Variants in CNOT6L observed in about 807,000 individuals in gnomAD.
CNOT6L encodes CCR4-NOT transcription complex subunit 6-like.
Under a neutral mutation model 64.0 loss-of-function variants are expected in CNOT6L, and 7 were observed. The ratio of observed to expected loss-of-function variants is 0.11; its 90% CI spans 0.06 to 0.21. The LOEUF (loss-of-function observed/expected upper bound fraction) is 0.21. Among genes scored for constraint, CNOT6L ranks in the 10% least tolerant of loss-of-function variants. The pLI is 1.00. For synonymous variants in CNOT6L, 193 were observed against 243.4 expected (o/e 0.79, Z 1.93); for missense variants, 245 against 669.0 (o/e 0.37, Z 6.99).
intron 6 of CNOT6L, among the ~76,000 whole-genome samples, chr4:77,745,541 C>T (rs1443011636): frequency 1.3e-5 from 2 of 152,080 alleles, no homozygotes; most frequent in East Asian, 1.9e-4. Flanking sequence ...AATCTGTGGC[C>T]CCATAAACAC....
At chr4:77,757,381 G>A (rs1725690270) in intron 4 of CNOT6L, among the ~76,000 whole-genome samples, 1 of 152,096 alleles carries the variant, frequency 6.6e-6, no homozygotes, top group South Asian at 2.1e-4. Flanking sequence ...TACATATAGG[G>A]AAAACAAACG....
At chr4:77,819,384 C>T, upstream of CNOT6L, 1 of 1,609,600 alleles carries the variant, frequency 6.2e-7, no homozygotes. Context: ...CACGCGCGCG[C>T]GCGCGCACCA....
chr4:77,731,471 C>T lies in CNOT6L; in HGVS notation c.940G>A (p.Glu314Lys). The T allele has an allele frequency of 6.2e-7, 1 of 1,610,518 alleles. No homozygotes were observed. Among genetic ancestry groups the T allele is most frequent in the Non-Finnish European group, 8.5e-7 (1 of 1,178,394 alleles). Residue 314 changes from glutamate to lysine, a missense_variant, in exon 9 of 12, where the codon GAA (glutamate) becomes AAA (lysine). Physicochemically the swap from Glu to Lys is moderately conservative, Grantham distance 56. This residue lies in a region of CNOT6L where 94 missense variants were observed against 290.9 expected (regional missense o/e 0.32). Transcript: ENST00000504123. Reference sequence around the variant, plus strand: ...GTCATCACTCTGTTCAGCATAGCTTCGGATCCATCTGAATTAGCCATCGCC... The same window carrying T: ...GTCATCACTCTGTTCAGCATAGCTTTGGATCCATCTGAATTAGCCATCGCC... Reference protein sequence around the residue: ...QVAMANSDGSEAMLNRVMTKD... With the variant: ...QVAMANSDGSKAMLNRVMTKD...
chr4:77,722,313 C>CACTTT (rs1336883584), intron 11 of CNOT6L, among the ~76,000 whole-genome samples: 3 of 152,120 alleles, frequency 2.0e-5, no homozygotes, highest in African/African-American at 7.2e-5. Context: ...GTAATCCCAG[C>CACTTT]ACTTTCAGAG....
intron 1 of CNOT6L, among the ~76,000 whole-genome samples, chr4:77,813,297 A>ATAGT (rs1253341318): frequency 1.4e-5 from 2 of 146,796 alleles, no homozygotes; most frequent in African/African-American, 5.0e-5. Flanking sequence ...TATTAGATAG[A>ATAGT]TTAGAAATAG....
intron 4 of CNOT6L, among the ~76,000 whole-genome samples, chr4:77,768,466 AATAAATAAATATATATATATATAT>A (rs1383994748): frequency 6.0e-4 from 8 of 13,316 alleles, no homozygotes; most frequent in Non-Finnish European, 7.1e-4. Context: ...CTCTGTCTAA[AATAAATAAATATATATATATATAT>A]ATATATATAT....
chr4:77,772,413 A>G (rs1727659779), intron 4 of CNOT6L, among the ~76,000 whole-genome samples: 1 of 151,932 alleles, frequency 6.6e-6, no homozygotes, highest in Admixed American at 6.6e-5. Context: ...TTTAGTAGAG[A>G]CAGGGTTTCT....
chr4:77,724,750 C>T (rs549055101), intron 11 of CNOT6L, among the ~76,000 whole-genome samples: 57 of 151,816 alleles, frequency 3.8e-4, no homozygotes, highest in African/African-American at 1.3e-3. Flanking sequence ...CACTTATTTT[C>T]GGGAACTTTA....
At chr4:77,771,021 T>C (rs1727480614) in intron 4 of CNOT6L, among the ~76,000 whole-genome samples, 1 of 152,160 alleles carries the variant, frequency 6.6e-6, no homozygotes. Context: ...GTCCACTGGA[T>C]TCAACAGTAA....
chr4:77,724,678 A>G (rs1352600345), intron 11 of CNOT6L, among the ~76,000 whole-genome samples: 1 of 151,980 alleles, frequency 6.6e-6, no homozygotes, highest in Non-Finnish European at 1.5e-5. Context: ...AAATAGAATA[A>G]AATTTTTTCT....
rs1453387799 is a variant in CNOT6L at position 77,720,076 on chromosome 4, T to C, written c.*355A>G. On this transcript the variant is annotated 3_prime_UTR_variant, in exon 12 of 12. Transcript: ENST00000504123. ...AATTGCCTTTTATAAAATGGTTGGCTCACTGAAACCATTCAAAAGAAAGTA... is the reference window on the plus strand; with the variant it reads ...AATTGCCTTTTATAAAATGGTTGGCCCACTGAAACCATTCAAAAGAAAGTA... The C allele has an allele frequency of 5.8e-6, 1 of 171,804 alleles. No individual in the cohort carries two copies. Among genetic ancestry groups the C allele is most frequent in the African/African-American group, 2.4e-5 (1 of 41,998 alleles). The allele number at this position is 171,804 out of a possible 1,614,324, so 10.6% of individuals were successfully genotyped here.
At chr4:77,779,533 T>C (rs1158509026) in intron 1 of CNOT6L, among the ~76,000 whole-genome samples, 2 of 152,078 alleles carry the variant, frequency 1.3e-5, no homozygotes, top group Non-Finnish European at 2.9e-5. Flanking sequence ...ATTAAAATTA[T>C]GAAATCTCTT....
intron 10 of CNOT6L, among the ~76,000 whole-genome samples, chr4:77,727,549 C>T (rs116666038): frequency 0.059 from 6,736 of 114,160 alleles, 211 homozygotes; most frequent in Middle Eastern, 0.13. Context: ...GCAACAAGAG[C>T]ACAACTCTGT....
At position 77,730,919 on chromosome 4, in the gene CNOT6L, A is replaced by G. The variant is rs141587744; in HGVS notation, c.1024+468T>C. Among the ~76,000 whole-genome samples the G allele has an allele frequency of 1.1e-4, 16 of 152,240 alleles. No homozygotes were observed. The East Asian group carries it at 2.7e-3, about 26-fold the overall frequency. On this transcript the variant is annotated intron_variant, in intron 9 of 11. Coordinates refer to ENST00000504123, the MANE Select transcript of CNOT6L (RefSeq NM_144571.3). ...GAAGCTATAAATAATCTAAAATGCT[A>G]AAGTAAGTACCATGTAGATAAAAGA...
chr4:77,786,401 G>A (rs972594274), intron 1 of CNOT6L, among the ~76,000 whole-genome samples: 15 of 152,080 alleles, frequency 9.9e-5, no homozygotes, highest in Non-Finnish European at 2.1e-4. Context: ...TCGTGCTTAA[G>A]TCCAAGAGTT....
chr4:77,813,550 T>A (rs957302513), intron 1 of CNOT6L, among the ~76,000 whole-genome samples: 2 of 152,062 alleles, frequency 1.3e-5, no homozygotes, highest in Admixed American at 6.6e-5. Flanking sequence ...TAAAAAAGAC[T>A]CTTACAACTC....
chr4:77,736,985 TAACTC>T (rs61645245), intron 8 of CNOT6L, among the ~76,000 whole-genome samples: 119,071 of 151,452 alleles, frequency 0.79, 47,654 homozygotes, highest in Non-Finnish European at 0.86. Flanking sequence ...AATAAAGACA[TAACTC>T]AATTTCTTAC....
chr4:77,754,380 C>G (rs1413283544), intron 5 of CNOT6L, among the ~76,000 whole-genome samples: 1 of 152,052 alleles, frequency 6.6e-6, no homozygotes, highest in Non-Finnish European at 1.5e-5. Context: ...ACAATATGGG[C>G]AAGCCCACTA....
In CNOT6L at chr4:77,815,969, T is replaced by C. The variant is rs192169142; in HGVS notation, c.5+3335A>G. On this transcript the variant is annotated intron_variant, in intron 1 of 11. Coordinates refer to ENST00000504123, the MANE Select transcript of CNOT6L (RefSeq NM_144571.3). Reference sequence around the variant, plus strand: ...TCTTTGAAATTTTGGAATGTATTTATTACTCTGATTAGCATTACCCAAAGT... The same window carrying C: ...TCTTTGAAATTTTGGAATGTATTTACTACTCTGATTAGCATTACCCAAAGT... 2.0e-5 allele frequency among the ~76,000 whole-genome samples: 3 copies of C among 152,354 alleles called. No individual in the cohort carries two copies. In the East Asian group the frequency reaches 5.8e-4, roughly 29 times the overall value.
Sources: allele counts gnomAD v4.1 joint callset (sites outside exome capture counted in the v4.1 genomes callset), GRCh38; gene constraint gnomAD v4.1.1; regional missense constraint gnomAD v4.1.1; transcripts MANE v1.5; gene names NCBI Gene and HGNC (gene_info 2026-07-23, HGNC 2026-07-21).